FAM53B: variants seen among roughly 807,000 people sequenced by gnomAD.
The protein encoded by FAM53B is protein FAM53B.
FAM53B carries 12 observed loss-of-function variants against 32.7 expected under a neutral mutation model. The observed-to-expected ratio is 0.37, with a 90% CI of 0.24 to 0.59. FAM53B has a LOEUF of 0.59. Ranked by LOEUF, FAM53B falls within the 20% of genes least tolerant of loss-of-function variation. The pLI is 0.72. For synonymous variants in FAM53B, 234 were observed against 228.7 expected, an observed-to-expected ratio of 1.02 and a Z score of -0.21; for missense variants, 477 against 577.7, an observed-to-expected ratio of 0.83 and a Z score of 1.79.
At chr10:124,739,631 G>A (rs542651136) in intron 1 of FAM53B, among the ~76,000 whole-genome samples, 9 of 152,096 alleles carry the variant, frequency 5.9e-5, no homozygotes, top group African/African-American at 1.9e-4. Flanking sequence ...AGTCCTTCCC[G>A]AGACTTACAG....
intron 4 of FAM53B, among the ~76,000 whole-genome samples, chr10:124,628,818 G>C (rs1350616580): frequency 1.3e-5 from 2 of 152,212 alleles, no homozygotes; most frequent in Non-Finnish European, 2.9e-5. Flanking sequence ...TCTTGGGCGG[G>C]ATCAAGTCCC....
chr10:124,635,901 T>A (rs1461904822), intron 4 of FAM53B, among the ~76,000 whole-genome samples: 1 of 152,240 alleles, frequency 6.6e-6, no homozygotes, highest in Admixed American at 6.5e-5. Context: ...AGGTATGTAT[T>A]GCATGCTATT....
At chr10:124,631,153 T>C (rs1007253632) in intron 4 of FAM53B, among the ~76,000 whole-genome samples, 27 of 152,228 alleles carry the variant, frequency 1.8e-4, no homozygotes, top group African/African-American at 6.0e-4. Context: ...GTCCCCGCTC[T>C]GGTGGCTCTC....
intron 1 of FAM53B, among the ~76,000 whole-genome samples, chr10:124,734,136 C>T (rs1950161424): frequency 6.6e-6 from 1 of 152,226 alleles, no homozygotes; most frequent in Non-Finnish European, 1.5e-5. Flanking sequence ...GTGTAACTCA[C>T]CAGTACCTTG....
intron 4 of FAM53B, among the ~76,000 whole-genome samples, chr10:124,664,723 A>C (rs1207630803): frequency 6.6e-6 from 1 of 152,216 alleles, no homozygotes; most frequent in Non-Finnish European, 1.5e-5. Flanking sequence ...CCCGTATTCC[A>C]AAACAATGAT....
At chr10:124,698,307 C>T (rs1364915414) in intron 2 of FAM53B, among the ~76,000 whole-genome samples, 2 of 152,172 alleles carry the variant, frequency 1.3e-5, no homozygotes, top group African/African-American at 2.4e-5. Context: ...AAGCACCCCG[C>T]GTGCTTCACT....
intron 2 of FAM53B, among the ~76,000 whole-genome samples, chr10:124,704,602 C>T (rs1446427111): frequency 1.3e-5 from 2 of 152,110 alleles, no homozygotes; most frequent in African/African-American, 4.8e-5. Context: ...GGCAGGCTCA[C>T]GCTTGGCATA....
chr10:124,658,178 G>A (rs1280507701), intron 4 of FAM53B, among the ~76,000 whole-genome samples: 1 of 152,244 alleles, frequency 6.6e-6, no homozygotes, highest in Non-Finnish European at 1.5e-5. Context: ...CCAGGGGAGG[G>A]GCTTTGCTAC....
chr10:124,665,927 G>A (rs559331627), intron 4 of FAM53B, among the ~76,000 whole-genome samples: 2 of 114,360 alleles, frequency 1.7e-5, no homozygotes, highest in South Asian at 5.0e-4. Context: ...CGGCTACGTA[G>A]ACACAGCTGT....
At chr10:124,709,457 C>T (rs539295940) in intron 1 of FAM53B, among the ~76,000 whole-genome samples, 122 of 152,300 alleles carry the variant, frequency 8.0e-4, no homozygotes, top group African/African-American at 2.8e-3. Context: ...GGTCAGCACA[C>T]GTGGCAGGCA....
At chr10:124,625,770 A>G (rs573274593) in intron 4 of FAM53B, among the ~76,000 whole-genome samples, 32 of 152,296 alleles carry the variant, frequency 2.1e-4, no homozygotes, top group Non-Finnish European at 3.1e-4. Context: ...GGCACAAAAC[A>G]GGGGCAAGAT....
chr10:124,667,388 A>T (rs1192193837), intron 4 of FAM53B: 1 of 768,762 alleles, frequency 1.3e-6, no homozygotes, highest in Non-Finnish European at 2.4e-6. Flanking sequence ...CGCCTGTAAA[A>T]TGGATAACGA....
rs566200591 is a variant in FAM53B, at chr10:124,689,273, G to C, written c.133+6885C>G. On this transcript the variant is annotated intron_variant, in intron 3 of 4. Transcript: ENST00000337318. ...ATCTTACGAAAAGAACATGGGGGTG[G>C]GGGGGACACAAGCAGGGCAATGACA... 2.0e-4 allele frequency among the ~76,000 whole-genome samples: 30 copies of C among 152,276 alleles called. No individual in the cohort carries two copies. In the South Asian group the frequency reaches 4.6e-3, roughly 23 times the overall value.
At chr10:124,655,312 A>C (rs1220464143) in intron 4 of FAM53B, among the ~76,000 whole-genome samples, 1 of 152,146 alleles carries the variant, frequency 6.6e-6, no homozygotes, top group East Asian at 1.9e-4. Flanking sequence ...TCAGAGGCTC[A>C]GCATTTCCAC....
At chr10:124,655,822 T>C (rs939909849) in intron 4 of FAM53B, among the ~76,000 whole-genome samples, 2 of 152,204 alleles carry the variant, frequency 1.3e-5, no homozygotes, top group Non-Finnish European at 2.9e-5. Context: ...TTGCAGCACT[T>C]ACTTTGTCCA....
intron 4 of FAM53B, among the ~76,000 whole-genome samples, chr10:124,626,917 G>C (rs933817445): frequency 6.6e-6 from 1 of 152,308 alleles, no homozygotes; most frequent in East Asian, 1.9e-4. Context: ...AGGGCTATCT[G>C]GACTAATTGG....
chr10:124,697,346 C>T (rs78134982), intron 2 of FAM53B, among the ~76,000 whole-genome samples: 7,633 of 152,262 alleles, frequency 0.05, 635 homozygotes, highest in African/African-American at 0.17. Flanking sequence ...ACAGACAAGA[C>T]TTCCAGGCTG....
intron 4 of FAM53B, among the ~76,000 whole-genome samples, chr10:124,641,886 G>C (rs1013035422): frequency 6.6e-6 from 1 of 152,176 alleles, no homozygotes; most frequent in African/African-American, 2.4e-5. Context: ...GCGACTCGCT[G>C]GTTCCTCCAG....
chr10:124,739,043 CAAAAAAA>C lies in FAM53B; in HGVS notation c.-175+4963_-175+4969del, dbSNP rs374990179. 9.5e-3 allele frequency among the ~76,000 whole-genome samples: 1,021 copies of C among 107,752 alleles called. 17 individuals carry two copies. The highest frequency in any genetic ancestry group is 0.033 in the African/African-American group (977 of 29,708). The allele number at this position is 107,752 out of a possible 152,430, so 70.7% of individuals were successfully genotyped here. Reference sequence around the variant, plus strand: ...TACAGATTCCAATCACTCCAAAAAACAAAAAAAAAAAAACAAAAAACAAAAAAACACA... The same window carrying C: ...TACAGATTCCAATCACTCCAAAAAACAAAAAACAAAAAACAAAAAAACACA... On this transcript the variant is annotated intron_variant, in intron 1 of 4. Transcript: ENST00000337318.
Sources: allele counts gnomAD v4.1 joint callset (sites outside exome capture counted in the v4.1 genomes callset), GRCh38; gene constraint gnomAD v4.1.1; transcripts MANE v1.5; gene names NCBI Gene and HGNC (gene_info 2026-07-23, HGNC 2026-07-21).